PLA2G12B: variants seen among roughly 807,000 people sequenced by gnomAD.
PLA2G12B encodes the protein phospholipase A2 group XIIB.
PLA2G12B carries 19 observed loss-of-function variants against 22.3 expected under a neutral mutation model. The observed-to-expected ratio is 0.85, with a 90% CI of 0.60 to 1.25. The LOEUF (loss-of-function observed/expected upper bound fraction) is 1.25, where lower values mean the gene tolerates loss of function less well. PLA2G12B is among the 50% of genes most tolerant of loss of function. The pLI is 0.00. For missense variants in PLA2G12B, 191 were observed against 246.6 expected (o/e 0.77, Z 1.51); for synonymous variants, 81 against 94.9 (o/e 0.85, Z 0.85).
chr10:72,947,658 C>T (rs1846464373), intron 1 of PLA2G12B, among the ~76,000 whole-genome samples: 1 of 152,186 alleles, frequency 6.6e-6, no homozygotes, highest in African/African-American at 2.4e-5. Context: ...AAAACATTTT[C>T]ATCACCCCCA....
intron 1 of PLA2G12B, among the ~76,000 whole-genome samples, chr10:72,951,058 G>A (rs562071714): frequency 6.6e-6 from 1 of 152,220 alleles, no homozygotes; most frequent in African/African-American, 2.4e-5. Flanking sequence ...TCACTAGACT[G>A]TCTTTCTCAT....
chr10:72,942,613 A>AAACC (rs1412388325), intron 2 of PLA2G12B, 39 bp downstream of exon 2: 3 of 1,511,570 alleles, frequency 2.0e-6, no homozygotes, highest in East Asian at 2.3e-5. Context: ...CTCTCAGTCA[A>AAACC]AACCAACCAA....
chr10:72,951,692 A>G (rs188395495), intron 1 of PLA2G12B, among the ~76,000 whole-genome samples: 2 of 152,000 alleles, frequency 1.3e-5, no homozygotes, highest in Non-Finnish European at 2.9e-5. Context: ...ATCTCCTGAC[A>G]TCGTGATCTG....
intron 3 of PLA2G12B, among the ~76,000 whole-genome samples, 161 bp downstream of exon 3, chr10:72,941,008 C>T (rs1846351457): frequency 6.6e-6 from 1 of 152,060 alleles, no homozygotes; most frequent in Non-Finnish European, 1.5e-5. Flanking sequence ...AAGGAGTGCC[C>T]AGAATCTTTC....
chr10:72,935,433 C>G lies in PLA2G12B; in HGVS notation c.*184G>C. ...GAGTAGCTTTCAAACCACTCCATGT[C>G]TTTTTTCAAATTTCCTCAAAGGATA... On this transcript the variant is annotated 3_prime_UTR_variant, in exon 4 of 4. Transcript: ENST00000373032. The G allele has an allele frequency of 1.1e-6, 1 of 870,806 alleles. No homozygotes were observed. Among genetic ancestry groups the G allele is most frequent in the Non-Finnish European group, 1.7e-6 (1 of 583,740 alleles). The allele number at this position is 870,806 out of a possible 1,614,324, so 53.9% of individuals were successfully genotyped here.
chr10:72,953,775 C>G (rs1474273345), intron 1 of PLA2G12B, among the ~76,000 whole-genome samples: 3 of 152,268 alleles, frequency 2.0e-5, no homozygotes, highest in East Asian at 3.9e-4. Flanking sequence ...GTGCTCCTGC[C>G]AGCTCACAAA....
At chr10:72,937,872 G>A (rs1034272451) in intron 3 of PLA2G12B, among the ~76,000 whole-genome samples, 20 of 152,140 alleles carry the variant, frequency 1.3e-4, no homozygotes, top group South Asian at 2.1e-4. Context: ...GGTGGCTCAC[G>A]CCTGTAATCC....
At chr10:72,954,405 G>C in intron 1 of PLA2G12B, 70 bp downstream of exon 1, 2 of 1,591,086 alleles carry the variant, frequency 1.3e-6, no homozygotes, top group Non-Finnish European at 1.7e-6. Flanking sequence ...AAGACAGATC[G>C]TGACCTCTCT....
chr10:72,951,164 G>T (rs1846524920), intron 1 of PLA2G12B, among the ~76,000 whole-genome samples: 1 of 152,142 alleles, frequency 6.6e-6, no homozygotes, highest in South Asian at 2.1e-4. Flanking sequence ...CCTTTGCAAG[G>T]TGGGTATTAG....
chr10:72,948,236 C>T (rs77191456), intron 1 of PLA2G12B, among the ~76,000 whole-genome samples: 1,683 of 152,238 alleles, frequency 0.011, 11 homozygotes, highest in Non-Finnish European at 0.019. Context: ...AGACTTGGCT[C>T]GGTTTCTTGG....
At chr10:72,953,598 C>T (rs937216477) in intron 1 of PLA2G12B, among the ~76,000 whole-genome samples, 8 of 152,160 alleles carry the variant, frequency 5.3e-5, no homozygotes, top group African/African-American at 1.9e-4. Context: ...CGTTTTCATG[C>T]GCATTGGCAA....
intron 1 of PLA2G12B, among the ~76,000 whole-genome samples, chr10:72,953,945 G>A (rs1339141015): frequency 3.3e-5 from 5 of 152,244 alleles, no homozygotes; most frequent in Non-Finnish European, 1.5e-5. Context: ...TGAGAGCTGG[G>A]AGGACGGTGT....
chr10:72,942,619 A>G, intron 2 of PLA2G12B, 33 bp downstream of exon 2: 1 of 1,528,338 alleles, frequency 6.5e-7, no homozygotes, highest in Non-Finnish European at 8.9e-7. Flanking sequence ...GTCAAAACCA[A>G]CCAACCAAGA....
chr10:72,938,213 C>T (rs904241811), intron 3 of PLA2G12B, among the ~76,000 whole-genome samples: 33 of 152,106 alleles, frequency 2.2e-4, no homozygotes, highest in African/African-American at 7.7e-4. Flanking sequence ...TAATAAAGGT[C>T]GTCTAATGAC....
Position 72,954,533 on chromosome 10 carries a change from A to T in PLA2G12B, c.153T>A (p.Asp51Glu), listed in dbSNP as rs982633174. The change falls in exon 1 of 4, where the codon GAT (aspartate) becomes GAA (glutamate). Residue 51 changes from aspartate to glutamate, a missense_variant. Physicochemically the swap from Asp to Glu is conservative, Grantham distance 45. Coordinates refer to ENST00000373032, the MANE Select transcript of PLA2G12B (RefSeq NM_032562.5). ...TCCCTCCCAGCAGCTCCAGAAAAGA[A>T]TCGAAGTAGCTATTGACGGATTCAA... The part of the protein sequence containing the change: ...GSFESVNSYF[D>E]SFLELLGGKN... The T allele has an allele frequency of 9.9e-6, 16 of 1,614,084 alleles. No homozygotes were observed. The highest frequency in any genetic ancestry group is 1.4e-5 in the Non-Finnish European group (16 of 1,180,038).
chr10:72,936,835 G>GA (rs1564600083), intron 3 of PLA2G12B, among the ~76,000 whole-genome samples: 1 of 151,816 alleles, frequency 6.6e-6, no homozygotes, highest in Non-Finnish European at 1.5e-5. Context: ...GACTAACCAA[G>GA]AAAAAAAGAG....
chr10:72,954,609 T>A lies in PLA2G12B; in HGVS notation c.77A>T (p.Asp26Val), dbSNP rs1846589052. 1 of 1,614,144 alleles carries A rather than the reference T, an allele frequency of 6.2e-7. No individual in the cohort carries two copies. The part of the protein sequence containing the change: ...GGLAQSDTSP[D>V]TEESYSDWGL... ...CCAGTCTGAATAGGACTCCTCCGTG[T>A]CAGGGCTCGTGTCGCTCTGAGCCAG... Residue 26 changes from aspartate (D) to valine (V), a missense_variant, in exon 1 of 4, where the codon GAC (aspartate) becomes GTC (valine). Asp to Val is a radical substitution (Grantham distance 152). Coordinates refer to ENST00000373032, the MANE Select transcript of PLA2G12B (RefSeq NM_032562.5).
At chr10:72,943,371 C>T (rs1205104848) in intron 1 of PLA2G12B, among the ~76,000 whole-genome samples, 1 of 152,156 alleles carries the variant, frequency 6.6e-6, no homozygotes, top group Non-Finnish European at 1.5e-5. Flanking sequence ...TCCTTCACTG[C>T]AAGACCACAC....
chr10:72,942,562 TC>T lies in PLA2G12B; in HGVS notation c.300+89del. ...ACTTAATTGTATTCTTCAACTTTTTTCCAGAAATAATCACTTCCATCAAGGA... is the reference window on the plus strand; with the variant it reads ...ACTTAATTGTATTCTTCAACTTTTTTCAGAAATAATCACTTCCATCAAGGA... On this transcript the variant is annotated intron_variant, in intron 2 of 3. Transcript: ENST00000373032. The T allele has an allele frequency of 2.8e-6, 3 of 1,085,874 alleles. No individual in the cohort carries two copies. In the Admixed American group the frequency reaches 9.4e-5, roughly 34 times the overall value. 67.3% of individuals were successfully genotyped at this position (1,085,874 alleles called of 1,614,324 possible). A position where few individuals can be genotyped will look rare whatever the true frequency, so the allele number is the denominator to read the frequency against.
Sources: gnomAD v4.1 joint callset for allele counts (sites outside exome capture counted in the v4.1 genomes callset) on GRCh38, gnomAD v4.1.1 for gene constraint, MANE v1.5 for transcripts, NCBI Gene and HGNC (gene_info 2026-07-23, HGNC 2026-07-21) for gene names.